INF2: variants seen among roughly 807,000 people sequenced by gnomAD.
INF2 encodes the protein inverted formin 2.
A neutral mutation model predicts 123.5 loss-of-function variants in INF2; 43 were observed. The ratio of observed to expected loss-of-function variants is 0.35; its 90% CI spans 0.27 to 0.45. INF2 has a LOEUF of 0.45. Among genes scored for constraint, INF2 ranks in the 20% least tolerant of loss-of-function variants. The pLI is 1.00. For synonymous variants in INF2, 851 were observed against 745.0 expected, an observed-to-expected ratio of 1.14 and a Z score of -2.32; for missense variants, 1,453 against 1,682.7, an observed-to-expected ratio of 0.86 and a Z score of 2.39.
chr14:104,691,146 A>T (rs1161010299), intron 1 of INF2: 1 of 152,270 alleles, frequency 6.6e-6, no homozygotes, highest in Non-Finnish European at 1.5e-5. Flanking sequence ...GTGAGCGCCC[A>T]CTTTGTGGAG....
rs1025915564 is a variant in INF2, at chr14:104,699,447, C to T, written c.-9-1910C>T. The T allele has an allele frequency of 1.5e-5, 15 of 985,146 alleles. No homozygotes were observed. Among genetic ancestry groups the T allele is most frequent in the African/African-American group, 1.7e-5 (1 of 57,166 alleles). 61.0% of individuals were successfully genotyped at this position (985,146 alleles called of 1,614,324 possible). A position where few individuals can be genotyped will look rare whatever the true frequency, so the allele number is the denominator to read the frequency against. ...GCAACCCTACTGCCACCAGGAGGGG[C>T]GTTGGGGACCTGAGGCTGCCTGGGA... On this transcript the variant is annotated intron_variant, in intron 1 of 22. Transcript: ENST00000392634. The surrounding 1 kb of genome is among the most constrained non-coding windows in gnomAD (Gnocchi z 4.7).
At position 104,707,783 on chromosome 14, in the gene INF2, CTGCTGCCT is replaced by C; in HGVS notation, c.1517_1524del (p.Leu506ArgfsTer71). The C allele has an allele frequency of 7.0e-7, 1 of 1,432,978 alleles. No individual in the cohort carries two copies. The highest frequency in any genetic ancestry group is 9.5e-7 in the Non-Finnish European group (1 of 1,048,098). The allele number at this position is 1,432,978 out of a possible 1,614,324, so 88.8% of individuals were successfully genotyped here. A position where few individuals can be genotyped will look rare whatever the true frequency, so the allele number is the denominator to read the frequency against. On this transcript the variant is annotated frameshift_variant, in exon 8 of 23. Coordinates refer to ENST00000392634, the MANE Select transcript of INF2 (RefSeq NM_022489.4). LOFTEE classifies it high-confidence loss of function. ...GGGATGCCCGCCCCCACCCCCACCC[CTGCTGCCT>C]GGTATGGGCTGGGGCCCTCCTCCAC...
rs1479608634 is a variant in INF2, at chr14:104,699,192, A to C, written c.-9-2165A>C. On this transcript the variant is annotated intron_variant, in intron 1 of 22. Transcript: ENST00000392634. This position sits in a 1 kb window ranked among gnomAD's most constrained non-coding sequence, Gnocchi z 4.7. ...TAAAAGGTCAGGATTTTTTGCATGG[A>C]GGGACCCCCGGGGCTCTTGGCTGGA... Among the ~76,000 whole-genome samples the C allele has an allele frequency of 6.6e-6, 1 of 151,744 alleles. No individual in the cohort carries two copies. Among genetic ancestry groups the C allele is most frequent in the Non-Finnish European group, 1.5e-5 (1 of 67,938 alleles).
rs1377754174 is a variant in INF2, at chr14:104,711,518, G to A, written c.2419-111G>A. ...AGATTTGAGGGTCTGGAGTACTGGG[G>A]GTTTTCTGGACCTTAATTGCTAAGG... On this transcript the variant is annotated intron_variant, in intron 15 of 22. Transcript: ENST00000392634. The A allele has an allele frequency of 4.2e-6, 4 of 941,674 alleles. No homozygotes were observed. The South Asian group carries it at 5.4e-5, about 13-fold the overall frequency. The allele number at this position is 941,674 out of a possible 1,614,324, so 58.3% of individuals were successfully genotyped here.
At position 104,713,454 on chromosome 14, in the gene INF2, G is replaced by T. The variant is rs774605954; in HGVS notation, c.2888G>T (p.Gly963Val). 6.2e-7 allele frequency: 1 copy of T among 1,610,618 alleles called. No individual in the cohort carries two copies. The highest frequency in any genetic ancestry group is 8.5e-7 in the Non-Finnish European group (1 of 1,179,122). The change falls in exon 20 of 23, where the codon GGG (glycine) becomes GTG (valine). Residue 963 changes from glycine (G) to valine (V), a missense_variant. Physicochemically the swap from Gly to Val is moderately radical, Grantham distance 109. Around this residue, in one of 8 missense-constraint regions of INF2, gnomAD observed 212 missense variants for 266.2 expected, o/e 0.80. Transcript: ENST00000392634. ...RGEDGKPVRK[G>V]PGKQEEVCVI... ...GCCCCACGCTCCTCAGTCAGGAAGG[G>T]GCCCGGGAAGCAGGAGGAGGTGTGT...
At chr14:104,694,642 G>A (rs12882082) in intron 1 of INF2, among the ~76,000 whole-genome samples, 22,075 of 152,162 alleles carry the variant, frequency 0.15, 1,920 homozygotes, top group Non-Finnish European at 0.19. Flanking sequence ...GCCGGTCAGC[G>A]GAAGAGCCCA....
chr14:104,709,249 C>G, intron 10 of INF2, 32 bp from the exon 11 acceptor site: 6 of 1,534,114 alleles, frequency 3.9e-6, no homozygotes, highest in Non-Finnish European at 5.4e-6. Context: ...TCATGATTCA[C>G]TCACCCCTGC....
chr14:104,695,117 C>T (rs923017480), intron 1 of INF2, among the ~76,000 whole-genome samples: 2 of 152,120 alleles, frequency 1.3e-5, no homozygotes, highest in Non-Finnish European at 2.9e-5. Flanking sequence ...GCCCTCATTG[C>T]CCAGCAGACC....
Position 104,703,932 on chromosome 14 carries a change from C to A in INF2, c.684C>A (p.Asp228Glu). ...CCTTCCCAGGGCTGCAGCTGCTGGA[C>A]GTCCTGGCTCGCCTGCGGTGAGTCC... is the stretch of plus-strand genomic sequence containing the variant. ...RNEFIGLQLL[D>E]VLARLRDLED... Residue 228 changes from aspartate (D) to glutamate (E), a missense_variant, in exon 5 of 23, where the codon GAC becomes GAA. By Grantham distance (45) the Asp-to-Glu change is conservative (BLOSUM62 2). This residue lies in a region of INF2 where 251 missense variants were observed against 349.4 expected (regional missense o/e 0.72). Coordinates refer to ENST00000392634, the MANE Select transcript of INF2 (RefSeq NM_022489.4). The A allele has an allele frequency of 6.2e-7, 1 of 1,610,840 alleles. No homozygotes were observed.
chr14:104,715,221 C>G (rs528162746), intron 21 of INF2, 63 bp from the exon 22 acceptor site: 26 of 1,545,184 alleles, frequency 1.7e-5, no homozygotes, highest in South Asian at 1.6e-4. Context: ...GCCCCACCCA[C>G]TCCGAGTCAG....
chr14:104,700,765 C>T, intron 1 of INF2: 1 of 839,584 alleles, frequency 1.2e-6, no homozygotes, highest in Non-Finnish European at 1.4e-6. Context: ...GCCCCCTACC[C>T]ACATGCAGAC....
At chr14:104,703,883 C>T (rs773979176) in intron 4 of INF2, 33 bp from the exon 5 acceptor site, 5 of 1,610,684 alleles carry the variant, frequency 3.1e-6, no homozygotes, top group African/African-American at 2.7e-5. Context: ...GGAGTGGCCT[C>T]CGAACCCTCT....
At chr14:104,689,921 C>T (rs942907677) in intron 1 of INF2, among the ~76,000 whole-genome samples, 182 bp downstream of exon 1, 1 of 151,862 alleles carries the variant, frequency 6.6e-6, no homozygotes, top group South Asian at 2.1e-4. Context: ...CGCCCCTGGC[C>T]CCCCCGGCTC....
intron 16 of INF2, 139 bp from the exon 17 acceptor site, chr14:104,712,294 A>G: frequency 8.5e-7 from 1 of 1,180,072 alleles, no homozygotes; most frequent in South Asian, 1.4e-5. Context: ...ACTCAACCCC[A>G]ACACTGCACG....
At chr14:104,705,015 A>G (rs1231192884) in intron 5 of INF2, among the ~76,000 whole-genome samples, 1 of 131,148 alleles carries the variant, frequency 7.6e-6, no homozygotes, top group African/African-American at 3.6e-5. Flanking sequence ...GAACCCACAT[A>G]GCTGAGAAGC....
chr14:104,720,243 C>G lies in INF2; in HGVS notation c.*1450C>G. 6.4e-6 allele frequency: 1 copy of G among 157,096 alleles called. No homozygotes were observed. The highest frequency in any genetic ancestry group is 1.8e-4 in the South Asian group (1 of 5,574). The allele number at this position is 157,096 out of a possible 1,614,324, so 9.7% of individuals were successfully genotyped here. A position where few individuals can be genotyped will look rare whatever the true frequency, so the allele number is the denominator to read the frequency against. Reference sequence around the variant, plus strand: ...AAGCACATTCCATTGCATGCAGGGACCACATTTTGTTTGTCTGCTCTTCTG... The same window carrying G: ...AAGCACATTCCATTGCATGCAGGGAGCACATTTTGTTTGTCTGCTCTTCTG... On this transcript the variant is annotated 3_prime_UTR_variant, in exon 23 of 23. Coordinates refer to ENST00000392634, the MANE Select transcript of INF2 (RefSeq NM_022489.4).
Position 104,717,377 on chromosome 14 carries a change from C to T in INF2, c.*2-1418C>T, listed in dbSNP as rs141991207. Among the ~76,000 whole-genome samples the T allele has an allele frequency of 2.0e-3, 302 of 152,214 alleles. 10 individuals are homozygous for T. In the East Asian group the frequency reaches 0.054, roughly 27 times the overall value. ...GCGCTGCCGTCCTCCCAGTCCCCCC[C>T]GGGCAGGGTCCGCTGTGGGGCGCTT... is the stretch of plus-strand genomic sequence containing the variant. On this transcript the variant is annotated intron_variant, in intron 22 of 22. Transcript: ENST00000392634.
At position 104,707,482 on chromosome 14, in the gene INF2, C is replaced by T; in HGVS notation, c.1215C>T (p.Ile405=). 1.3e-6 allele frequency: 2 copies of T among 1,550,854 alleles called. No homozygotes were observed. The highest frequency in any genetic ancestry group is 1.2e-5 in the South Asian group (1 of 84,176). ...EPVDHAQSES[I]LKVSQPRALE... ...TGGACCACGCCCAGAGTGAGAGCAT[C>T]CTGAAAGTTTCGCAGCCCAGAGCCC... is the stretch of plus-strand genomic sequence containing the variant. The change falls in exon 8 of 23, where the codon ATC becomes ATT. Residue 405 remains isoleucine, a synonymous_variant. Transcript: ENST00000392634.
intron 1 of INF2, among the ~76,000 whole-genome samples, chr14:104,695,428 A>G (rs966106064): frequency 6.6e-6 from 1 of 152,048 alleles, no homozygotes; most frequent in African/African-American, 2.4e-5. Flanking sequence ...CAGTGGAGAC[A>G]CTGTGGCCTG....
Sources: gnomAD v4.1 joint callset for allele counts (sites outside exome capture counted in the v4.1 genomes callset) on GRCh38, gnomAD v4.1.1 for gene constraint, gnomAD v4.1.1 regional missense constraint, Gnocchi (gnomAD v3.1) non-coding constraint, MANE v1.5 for transcripts, NCBI Gene and HGNC (gene_info 2026-07-23, HGNC 2026-07-21) for gene names.